The following ARHGEF37 variants were observed in gnomAD, a reference collection of about 807,000 sequenced individuals.
ARHGEF37 encodes the protein Rho guanine nucleotide exchange factor (GEF) 37.
In ARHGEF37, 55 loss-of-function variants were observed where a neutral mutation model predicts 71.1. That is an observed-to-expected ratio of 0.77 (90% CI 0.62 to 0.97). ARHGEF37 has a LOEUF of 0.97. Ranked by LOEUF, ARHGEF37 falls within the 50% of genes least tolerant of loss-of-function variation. ARHGEF37 has a pLI of 0.00. For missense variants in ARHGEF37, 765 were observed against 836.8 expected, an observed-to-expected ratio of 0.91 and a Z score of 1.06; for synonymous variants, 327 against 350.6, an observed-to-expected ratio of 0.93 and a Z score of 0.75.
intron 3 of ARHGEF37, among the ~76,000 whole-genome samples, chr5:149,602,825 G>T (rs1002051169): frequency 6.6e-6 from 1 of 152,084 alleles, no homozygotes; most frequent in African/African-American, 2.4e-5. Context: ...GGAGATGAAG[G>T]TACCCAGTAC....
At chr5:149,618,025 C>A (rs1752425287) in intron 5 of ARHGEF37, 151 bp from the exon 6 acceptor site, 1 of 1,140,744 alleles carries the variant, frequency 8.8e-7, no homozygotes, top group Admixed American at 2.1e-5. Context: ...GACAGAGGAC[C>A]CTATGCTTTT....
At position 149,620,463 on chromosome 5, in the gene ARHGEF37, T is replaced by G; in HGVS notation, c.1004T>G (p.Phe335Cys). The stretch of plus-strand genomic sequence containing the variant: ...CTTCACCTTGAGGCCTTCCTGAAAT[T>G]TGTGAGTGGAACCTTTCCTTTCTCC... ...RDLHLEAFLK[F>C]KQRLEGLVWQ... Residue 335 changes from phenylalanine to cysteine, a missense_variant and splice_region_variant, in exon 8 of 13, where the codon TTT becomes TGT. Phe to Cys is a radical substitution (Grantham distance 205). Coordinates refer to ENST00000333677, the MANE Select transcript of ARHGEF37 (RefSeq NM_001001669.3). 2.5e-6 allele frequency: 4 copies of G among 1,599,592 alleles called. No homozygotes were observed. Among genetic ancestry groups the G allele is most frequent in the Non-Finnish European group, 3.4e-6 (4 of 1,169,540 alleles).
upstream of ARHGEF37, among the ~76,000 whole-genome samples, chr5:149,579,873 C>A (rs1412885086): frequency 6.6e-6 from 1 of 152,114 alleles, no homozygotes; most frequent in East Asian, 1.9e-4. Flanking sequence ...GCGTGAACCA[C>A]CGTGCCCCGC....
intron 1 of ARHGEF37, among the ~76,000 whole-genome samples, chr5:149,573,363 C>A (rs984907111): frequency 6.6e-6 from 1 of 152,208 alleles, no homozygotes; most frequent in African/African-American, 2.4e-5. Flanking sequence ...CCAAAATAAA[C>A]CTCTCTGTGT....
intron 12 of ARHGEF37, among the ~76,000 whole-genome samples, chr5:149,629,608 C>T (rs1418109386): frequency 1.3e-5 from 2 of 152,050 alleles, no homozygotes; most frequent in Admixed American, 6.6e-5. Context: ...CCAGTGTGGC[C>T]GGAGAAGAAA....
intron 2 of ARHGEF37, among the ~76,000 whole-genome samples, chr5:149,599,434 C>T (rs958040676): frequency 6.8e-6 from 1 of 147,814 alleles, no homozygotes; most frequent in Non-Finnish European, 1.5e-5. Context: ...CCAAGGCAAA[C>T]TTATTTATTT....
chr5:149,580,310 C>CG (rs923168691), upstream of ARHGEF37, among the ~76,000 whole-genome samples: 11 of 152,214 alleles, frequency 7.2e-5, no homozygotes, highest in African/African-American at 2.6e-4. Flanking sequence ...CTGCCCCCCC[C>CG]TCAGCTTCCC....
intron 3 of ARHGEF37, among the ~76,000 whole-genome samples, chr5:149,608,427 G>A (rs560796817): frequency 1.3e-4 from 19 of 151,736 alleles, no homozygotes; most frequent in African/African-American, 4.4e-4. Flanking sequence ...CTGGAGTGCA[G>A]TGGCGCGATC....
chr5:149,593,949 A>G (rs1428029907), intron 1 of ARHGEF37, among the ~76,000 whole-genome samples: 1 of 152,170 alleles, frequency 6.6e-6, no homozygotes, highest in Admixed American at 6.6e-5. Flanking sequence ...TTATTGCTGA[A>G]TAGTATAGAT....
intron 3 of ARHGEF37, among the ~76,000 whole-genome samples, chr5:149,602,975 C>T (rs112748528): frequency 1.1e-4 from 16 of 152,120 alleles, no homozygotes; most frequent in Non-Finnish European, 2.1e-4. Context: ...CTCTGTCACC[C>T]AGGCTGGAGT....
At chr5:149,595,030 A>G (rs550505041) in intron 1 of ARHGEF37, among the ~76,000 whole-genome samples, 1 of 152,338 alleles carries the variant, frequency 6.6e-6, no homozygotes, top group South Asian at 2.1e-4. Flanking sequence ...CAATTATAGA[A>G]ATGGAGAACA....
Position 149,598,803 on chromosome 5 carries a change from T to G in ARHGEF37, c.186+848T>G, listed in dbSNP as rs1222394330. On this transcript the variant is annotated intron_variant, in intron 2 of 12. Transcript: ENST00000333677. ...ATATATAGATATAGATATATAGATA[T>G]ATATATGTGTGTGTGTGTGTATATA... Among the ~76,000 whole-genome samples, 7 of 147,808 alleles carry G rather than the reference T, an allele frequency of 4.7e-5. No individual in the cohort carries two copies. The East Asian group carries it at 1.5e-3, about 32-fold the overall frequency.
chr5:149,627,012 G>A (rs917756840), intron 10 of ARHGEF37, 64 bp from the exon 11 acceptor site: 4 of 1,507,158 alleles, frequency 2.7e-6, no homozygotes, highest in Non-Finnish European at 3.6e-6. Context: ...GTGAGCAAAT[G>A]TTGGTGCCAG....
intron 5 of ARHGEF37, 57 bp from the exon 6 acceptor site, chr5:149,618,119 A>G (rs757342434): frequency 1.9e-6 from 3 of 1,604,592 alleles, no homozygotes; most frequent in African/African-American, 2.7e-5. Flanking sequence ...TGTCCGTGAC[A>G]TCCACTTTCC....
At chr5:149,586,915 C>A (rs765761649) in intron 1 of ARHGEF37, among the ~76,000 whole-genome samples, 2 of 152,210 alleles carry the variant, frequency 1.3e-5, no homozygotes, top group Non-Finnish European at 2.9e-5. Flanking sequence ...TTCCTTTGAT[C>A]TACTGATCTA....
At chr5:149,561,355 T>C (rs1175573384) in intron 1 of ARHGEF37, among the ~76,000 whole-genome samples, 1 of 151,922 alleles carries the variant, frequency 6.6e-6, no homozygotes, top group Admixed American at 6.6e-5. Context: ...GGGCATTACT[T>C]AAGTGACCTC....
chr5:149,626,378 C>T (rs1251019024), intron 10 of ARHGEF37, among the ~76,000 whole-genome samples: 1 of 152,134 alleles, frequency 6.6e-6, no homozygotes, highest in African/African-American at 2.4e-5. Context: ...CTGAGTCTCT[C>T]CTTGTTGATA....
intron 1 of ARHGEF37, among the ~76,000 whole-genome samples, chr5:149,552,603 C>T (rs575496616): frequency 1.3e-5 from 2 of 152,210 alleles, no homozygotes; most frequent in South Asian, 4.1e-4. Context: ...TTCGGGAGGC[C>T]GGGGCGGGCA....
chr5:149,595,724 A>G (rs1206056448), intron 1 of ARHGEF37, among the ~76,000 whole-genome samples: 5 of 152,114 alleles, frequency 3.3e-5, no homozygotes, highest in African/African-American at 1.2e-4. Flanking sequence ...CCTTCTGGAA[A>G]CATTTTATTT....
Sources: gnomAD v4.1 joint callset for allele counts (sites outside exome capture counted in the v4.1 genomes callset) on GRCh38, gnomAD v4.1.1 for gene constraint, MANE v1.5 for transcripts, NCBI Gene and HGNC (gene_info 2026-07-23, HGNC 2026-07-21) for gene names.